Variants in NRG2 observed in about 807,000 individuals in gnomAD.
NRG2 encodes the protein neuregulin 2.
A neutral mutation model predicts 73.9 loss-of-function variants in NRG2; 27 were observed. The observed-to-expected ratio is 0.37, with a 90% CI of 0.27 to 0.50. NRG2 has a LOEUF of 0.50. Ranked by LOEUF, NRG2 falls within the 20% of genes least tolerant of loss-of-function variation. The pLI is 0.96. For missense variants in NRG2, 1,126 were observed against 1,210.1 expected (o/e 0.93, Z 1.03); for synonymous variants, 532 against 541.0 (o/e 0.98, Z 0.23).
At chr5:139,924,954 C>T (rs920527679) in intron 1 of NRG2, among the ~76,000 whole-genome samples, 67 of 151,946 alleles carry the variant, frequency 4.4e-4, no homozygotes, top group African/African-American at 1.5e-3. Context: ...GTGGGGATCT[C>T]GAGAAGAGAT....
chr5:139,932,781 A>G (rs944087079), intron 1 of NRG2, among the ~76,000 whole-genome samples: 3 of 152,124 alleles, frequency 2.0e-5, no homozygotes. Context: ...GAGAAAGAGA[A>G]TAGAGAAAGA....
intron 1 of NRG2, among the ~76,000 whole-genome samples, chr5:139,921,883 G>GA (rs1190470108): frequency 6.6e-6 from 1 of 151,782 alleles, no homozygotes; most frequent in African/African-American, 2.4e-5. Context: ...GCAACAGAGC[G>GA]AAACACCAAA....
At chr5:140,003,132 C>A (rs905963492) in intron 1 of NRG2, among the ~76,000 whole-genome samples, 2 of 152,064 alleles carry the variant, frequency 1.3e-5, no homozygotes, top group African/African-American at 4.8e-5. Flanking sequence ...ATAAATTGAC[C>A]AATATAGATC....
At chr5:139,902,166 C>T (rs1764929750) in intron 1 of NRG2, among the ~76,000 whole-genome samples, 1 of 152,240 alleles carries the variant, frequency 6.6e-6, no homozygotes, top group Admixed American at 6.5e-5. Flanking sequence ...AGCACCGCTG[C>T]CAAGGCTGGC....
intron 1 of NRG2, among the ~76,000 whole-genome samples, chr5:139,973,156 C>CAAAA (rs58053481): frequency 1.0e-4 from 9 of 89,432 alleles, no homozygotes; most frequent in East Asian, 3.7e-4. Context: ...TAAGAATATG[C>CAAAA]AAAAAAAAAA....
chr5:139,935,155 G>A lies in NRG2; in HGVS notation c.701-47644C>T, dbSNP rs146220828. ...TGTACTCCAGCCTGGGCGACAGAGC[G>A]AGGCTTTGTCTCAGTTAAAAAAAAA... On this transcript the variant is annotated intron_variant, in intron 1 of 9. Transcript: ENST00000361474. Among the ~76,000 whole-genome samples, 51 of 152,168 alleles carry A rather than the reference G, an allele frequency of 3.4e-4. No individual in the cohort carries two copies. The East Asian group carries it at 6.8e-3, about 20-fold the overall frequency.
intron 1 of NRG2, chr5:140,019,522 T>C (rs1760056323): frequency 6.6e-6 from 1 of 152,246 alleles, no homozygotes; most frequent in Non-Finnish European, 1.5e-5. Flanking sequence ...TGTTTACAAC[T>C]AATGCATCAC....
intron 1 of NRG2, among the ~76,000 whole-genome samples, chr5:140,026,978 GTCTTTTT>G (rs1760741365): frequency 6.6e-6 from 1 of 152,090 alleles, no homozygotes; most frequent in African/African-American, 2.4e-5. Flanking sequence ...CCTTCCGTGG[GTCTTTTT>G]TGTTTTTGTT....
chr5:139,864,756 GCA>G (rs111734532), intron 5 of NRG2, among the ~76,000 whole-genome samples: 33,152 of 148,354 alleles, frequency 0.22, 5,357 homozygotes, highest in African/African-American at 0.47. Context: ...AAACACGTCG[GCA>G]CACACACACA....
At position 139,848,219 on chromosome 5, in the gene NRG2, G is replaced by A. The variant is rs1761133425; in HGVS notation, c.2251C>T (p.Leu751=). The A allele has an allele frequency of 2.5e-6, 3 of 1,217,254 alleles. No individual in the cohort carries two copies. Among genetic ancestry groups the A allele is most frequent in the Non-Finnish European group, 3.1e-6 (3 of 980,458 alleles). 75.4% of individuals were successfully genotyped at this position (1,217,254 alleles called of 1,614,324 possible). A position where few individuals can be genotyped will look rare whatever the true frequency, so the allele number is the denominator to read the frequency against. The change falls in exon 10 of 10, where the codon CTG becomes TTG. Residue 751 remains leucine, a synonymous_variant. Transcript: ENST00000361474. Reference sequence around the variant, plus strand: ...GCCGCCCGTGCGCGCTGCGCCGCCAGCCCGTTGAGGCGCGAGCGGCGCCAG... The same window carrying A: ...GCCGCCCGTGCGCGCTGCGCCGCCAACCCGTTGAGGCGCGAGCGGCGCCAG... ...RRWRRSRLNG[L]AAQRARAARD... is the part of the protein sequence containing the mutation.
At chr5:139,961,316 C>T (rs1350962188) in intron 1 of NRG2, among the ~76,000 whole-genome samples, 2 of 152,084 alleles carry the variant, frequency 1.3e-5, no homozygotes. Flanking sequence ...TGAGCCTCTA[C>T]TGTCCTGTCT....
intron 1 of NRG2, among the ~76,000 whole-genome samples, chr5:140,012,433 T>C (rs539635706): frequency 2.0e-5 from 3 of 152,350 alleles, no homozygotes; most frequent in East Asian, 3.9e-4. Flanking sequence ...AGAAATTTCA[T>C]TGTACTCATA....
intron 1 of NRG2, among the ~76,000 whole-genome samples, chr5:139,942,834 C>T (rs948809283): frequency 9.2e-5 from 14 of 152,130 alleles, no homozygotes; most frequent in African/African-American, 3.4e-4. Flanking sequence ...TTGATGTAGC[C>T]TGATTTCCAC....
At chr5:139,938,626 G>A (rs1195370293) in intron 1 of NRG2, among the ~76,000 whole-genome samples, 2 of 151,812 alleles carry the variant, frequency 1.3e-5, no homozygotes, top group East Asian at 3.9e-4. Context: ...TGGCTGCCCA[G>A]AATTACAGGC....
chr5:139,950,770 A>G (rs1754140721), intron 1 of NRG2, among the ~76,000 whole-genome samples: 1 of 152,130 alleles, frequency 6.6e-6, no homozygotes, highest in Non-Finnish European at 1.5e-5. Context: ...TTCCTGAGGG[A>G]CCTAACCTGA....
chr5:139,918,731 A>G (rs1203368492), intron 1 of NRG2, among the ~76,000 whole-genome samples: 1 of 152,190 alleles, frequency 6.6e-6, no homozygotes, highest in Non-Finnish European at 1.5e-5. Flanking sequence ...ATGTAGGCCT[A>G]GAGTTGGCTC....
chr5:139,881,696 G>T (rs1386313018), intron 2 of NRG2, among the ~76,000 whole-genome samples: 2 of 152,224 alleles, frequency 1.3e-5, no homozygotes, highest in African/African-American at 4.8e-5. Context: ...TTCCTGACTT[G>T]CCCAAGGGCA....
chr5:139,889,714 T>C (rs1414470842), intron 1 of NRG2, among the ~76,000 whole-genome samples: 14 of 152,236 alleles, frequency 9.2e-5, no homozygotes, highest in African/African-American at 3.4e-4. Context: ...ACACCCCATG[T>C]ATACTGCTGT....
intron 1 of NRG2, among the ~76,000 whole-genome samples, chr5:139,927,097 T>C (rs1289856380): frequency 6.6e-6 from 1 of 152,228 alleles, no homozygotes; most frequent in African/African-American, 2.4e-5. Flanking sequence ...GGACTCCACA[T>C]TGGGCTGTCT....
Sources: gnomAD v4.1 joint callset for allele counts (sites outside exome capture counted in the v4.1 genomes callset) on GRCh38, gnomAD v4.1.1 for gene constraint, MANE v1.5 for transcripts, NCBI Gene and HGNC (gene_info 2026-07-23, HGNC 2026-07-21) for gene names.